Variants in SIPA1L1 observed in about 807,000 individuals in gnomAD.
SIPA1L1 encodes the protein signal induced proliferation associated 1 like 1.
In SIPA1L1, 26 loss-of-function variants were observed where a neutral mutation model predicts 162.7. That is an observed-to-expected ratio of 0.16 (90% CI 0.12 to 0.22). The LOEUF is 0.22. Ranked by LOEUF, SIPA1L1 falls within the 10% of genes least tolerant of loss-of-function variation. SIPA1L1 has a pLI of 1.00. For synonymous variants in SIPA1L1, 829 were observed against 837.4 expected (o/e 0.99, Z 0.17); for missense variants, 1,874 against 2,241.0 (o/e 0.84, Z 3.31).
chr14:71,511,585 G>C (rs1253364326), intron 2 of SIPA1L1, among the ~76,000 whole-genome samples: 1 of 152,090 alleles, frequency 6.6e-6, no homozygotes, highest in Non-Finnish European at 1.5e-5. Context: ...CATTGCTCCT[G>C]GCAGGAGCAT....
At chr14:71,497,500 C>T (rs939882762) in intron 2 of SIPA1L1, among the ~76,000 whole-genome samples, 1 of 152,220 alleles carries the variant, frequency 6.6e-6, no homozygotes, top group Non-Finnish European at 1.5e-5. Flanking sequence ...TCTTTGCCTA[C>T]CTATAATCTC....
intron 2 of SIPA1L1, among the ~76,000 whole-genome samples, chr14:71,488,710 A>G (rs1046589808): frequency 6.6e-6 from 1 of 152,208 alleles, no homozygotes; most frequent in African/African-American, 2.4e-5. Context: ...TGGTCAGTGT[A>G]GGCTGTGAAC....
chr14:71,323,617 G>A (rs1389636376), intron 2 of SIPA1L1, among the ~76,000 whole-genome samples: 1 of 152,098 alleles, frequency 6.6e-6, no homozygotes, highest in Non-Finnish European at 1.5e-5. Flanking sequence ...GAACTAGAGC[G>A]CTGATAGAGC....
At chr14:71,509,732 G>GA (rs2050963485) in intron 2 of SIPA1L1, among the ~76,000 whole-genome samples, 1 of 129,736 alleles carries the variant, frequency 7.7e-6, no homozygotes. Flanking sequence ...CAACAAGAGT[G>GA]AAACTCCATC....
At chr14:71,520,581 C>T (rs1180995171) in intron 3 of SIPA1L1, among the ~76,000 whole-genome samples, 2 of 151,930 alleles carry the variant, frequency 1.3e-5, no homozygotes, top group East Asian at 3.9e-4. Context: ...ATTAGTTTTG[C>T]CTGGTGTTGA....
chr14:71,393,374 T>G (rs1349506274), intron 2 of SIPA1L1, among the ~76,000 whole-genome samples: 1 of 152,204 alleles, frequency 6.6e-6, no homozygotes, highest in Non-Finnish European at 1.5e-5. Context: ...TGGTAAGAAA[T>G]GTTCCAAATT....
chr14:71,711,940 A>T (rs1384169645), intron 17 of SIPA1L1, among the ~76,000 whole-genome samples: 1 of 152,132 alleles, frequency 6.6e-6, no homozygotes, highest in Non-Finnish European at 1.5e-5. Context: ...GTAAGTAGGG[A>T]TGTTTTGAGA....
intron 17 of SIPA1L1, among the ~76,000 whole-genome samples, chr14:71,720,550 G>T (rs1320639189): frequency 6.6e-6 from 1 of 151,844 alleles, no homozygotes; most frequent in Admixed American, 6.5e-5. Flanking sequence ...AACCTGGGTG[G>T]AGACTGTCTA....
intron 4 of SIPA1L1, among the ~76,000 whole-genome samples, chr14:71,564,886 C>G (rs1456955814): frequency 1.3e-5 from 2 of 152,122 alleles, no homozygotes; most frequent in Non-Finnish European, 2.9e-5. Context: ...TTCACAGGTT[C>G]TTATCGTTAC....
intron 12 of SIPA1L1, among the ~76,000 whole-genome samples, chr14:71,684,937 C>G (rs964261011): frequency 1.9e-4 from 29 of 152,086 alleles, no homozygotes; most frequent in Non-Finnish European, 4.1e-4. Context: ...GGTTGTGAAG[C>G]TGCTCATACA....
Position 71,699,241 on chromosome 14 carries a change from A to G in SIPA1L1, c.3521+114A>G, listed in dbSNP as rs1304517719. 11 of 1,024,506 alleles carry G rather than the reference A, an allele frequency of 1.1e-5. No homozygotes were observed. In the Admixed American group the frequency reaches 1.7e-4, roughly 15 times the overall value. The allele number at this position is 1,024,506 out of a possible 1,614,324, so 63.5% of individuals were successfully genotyped here. On this transcript the variant is annotated intron_variant, in intron 14 of 23. Transcript: ENST00000381232. The stretch of plus-strand genomic sequence containing the variant: ...GCCAGCCTTGATCAATTTGTAGACA[A>G]ACAAAAGAGAAAACGTAGTTAATAA...
chr14:71,738,147 C>T (rs1197017482), intron 22 of SIPA1L1, 94 bp from the exon 23 acceptor site: 4 of 607,934 alleles, frequency 6.6e-6, no homozygotes, highest in Non-Finnish European at 8.0e-6. Flanking sequence ...TTTATAAATA[C>T]AGCCTCCTCA....
At chr14:71,367,514 T>C (rs1445161109) in intron 2 of SIPA1L1, among the ~76,000 whole-genome samples, 10 of 151,730 alleles carry the variant, frequency 6.6e-5, no homozygotes, top group Non-Finnish European at 1.5e-4. Flanking sequence ...TTCACCGTGT[T>C]AGCCAGGATG....
At chr14:71,560,782 A>G (rs1283148272) in intron 4 of SIPA1L1, among the ~76,000 whole-genome samples, 1 of 152,206 alleles carries the variant, frequency 6.6e-6, no homozygotes, top group African/African-American at 2.4e-5. Flanking sequence ...TGGAGTGAGG[A>G]CAGTATGTAT....
chr14:71,590,032 A>AT (rs1307608804), intron 5 of SIPA1L1, among the ~76,000 whole-genome samples: 10 of 64,494 alleles, frequency 1.6e-4, no homozygotes, highest in East Asian at 9.5e-4. Context: ...AAAAAAAAAA[A>AT]AAAAAAAAAA....
At chr14:71,527,872 C>G (rs1300389335) in intron 3 of SIPA1L1, among the ~76,000 whole-genome samples, 2 of 152,106 alleles carry the variant, frequency 1.3e-5, no homozygotes, top group Non-Finnish European at 2.9e-5. Context: ...TGGATAAGGA[C>G]AGAGTTCTTA....
chr14:71,554,424 G>A (rs553037736), intron 4 of SIPA1L1, among the ~76,000 whole-genome samples: 1 of 152,198 alleles, frequency 6.6e-6, no homozygotes, highest in East Asian at 1.9e-4. Flanking sequence ...TTAAAAAAAT[G>A]TATCTGCTTT....
chr14:71,512,652 G>GT (rs1416080736), intron 2 of SIPA1L1, 91 bp from the exon 3 acceptor site: 21 of 131,130 alleles, frequency 1.6e-4, no homozygotes, highest in African/African-American at 5.3e-4. Flanking sequence ...TCTTTTGTGT[G>GT]TGGGGGGAAG....
chr14:71,701,099 T>C (rs1319585193), intron 14 of SIPA1L1, among the ~76,000 whole-genome samples: 3 of 151,732 alleles, frequency 2.0e-5, no homozygotes. Flanking sequence ...TAGATTTTTC[T>C]CCTTGGCTTC....
Sources: allele counts gnomAD v4.1 joint callset (sites outside exome capture counted in the v4.1 genomes callset), GRCh38; gene constraint gnomAD v4.1.1; transcripts MANE v1.5; gene names NCBI Gene and HGNC (gene_info 2026-07-23, HGNC 2026-07-21).